Variants in PCDHA7 observed in about 807,000 individuals in gnomAD.
The protein encoded by PCDHA7 is protocadherin alpha 7, also known as protocadherin alpha-7.
Under a neutral mutation model 57.2 loss-of-function variants are expected in PCDHA7, and 37 were observed. The ratio of observed to expected loss-of-function variants is 0.65; its 90% CI spans 0.50 to 0.85. PCDHA7 has a LOEUF of 0.85. Ranked by LOEUF, PCDHA7 falls within the 40% of genes least tolerant of loss-of-function variation. PCDHA7 has a pLI of 0.00. For missense variants in PCDHA7, 1,188 were observed against 1,241.8 expected (o/e 0.96, Z 0.65); for synonymous variants, 553 against 558.8 (o/e 0.99, Z 0.15).
intron 1 of PCDHA7, among the ~76,000 whole-genome samples, chr5:140,908,289 G>A (rs1031565997): frequency 2.6e-5 from 4 of 152,184 alleles, no homozygotes; most frequent in Non-Finnish European, 4.4e-5. Flanking sequence ...GTTGCAAGCT[G>A]GGGAAGAGAA....
At chr5:140,877,990 T>C in intron 1 of PCDHA7, 1 of 1,127,766 alleles carries the variant, frequency 8.9e-7, no homozygotes. Flanking sequence ...TTTTGAACTT[T>C]TATGTATTTG....
chr5:140,884,798 A>C, intron 1 of PCDHA7: 3 of 1,275,332 alleles, frequency 2.4e-6, no homozygotes, highest in Non-Finnish European at 3.2e-6. Flanking sequence ...TATCGAATTT[A>C]ACAACTCTGC....
chr5:140,851,837 A>G (rs2042175202), intron 1 of PCDHA7: 1 of 970,268 alleles, frequency 1.0e-6, no homozygotes, highest in Non-Finnish European at 1.2e-6. Context: ...TTTTAAAAAT[A>G]TCTTTTTCTC....
chr5:140,840,876 C>T (rs975693144), intron 1 of PCDHA7, among the ~76,000 whole-genome samples: 2 of 151,942 alleles, frequency 1.3e-5, no homozygotes, highest in Admixed American at 1.3e-4. Context: ...GGACAGTTTA[C>T]ATTTCTGATA....
intron 1 of PCDHA7, chr5:140,968,987 T>C: frequency 6.2e-7 from 1 of 1,614,224 alleles, no homozygotes; most frequent in Non-Finnish European, 8.5e-7. Context: ...TGGCACTGCA[T>C]GCTGTGGAGG....
chr5:140,872,593 A>T (rs1214441484), intron 1 of PCDHA7, among the ~76,000 whole-genome samples: 1 of 152,160 alleles, frequency 6.6e-6, no homozygotes, highest in African/African-American at 2.4e-5. Flanking sequence ...TGAGACCCCC[A>T]TCTGAAAAAA....
intron 1 of PCDHA7, chr5:140,875,742 C>T (rs782079077): frequency 3.1e-6 from 5 of 1,614,218 alleles, no homozygotes; most frequent in South Asian, 1.1e-5. Context: ...ATTCTCGGAT[C>T]GACCGCGAGA....
At chr5:140,985,579 C>T (rs2097158687) in intron 3 of PCDHA7, among the ~76,000 whole-genome samples, 1 of 152,084 alleles carries the variant, frequency 6.6e-6, no homozygotes, top group African/African-American at 2.4e-5. Context: ...GTGCCTAAGC[C>T]TCCTTATACT....
At position 140,848,822 on chromosome 5, in the gene PCDHA7, CG is replaced by C. The variant is rs2150421614; in HGVS notation, c.2355+12085del. ...AGTGCAGCATCCACCTGGAGGTGAT[CG>C]TAGACAGGCCGCTGCAGGTTTTCCA... is the stretch of plus-strand genomic sequence containing the variant. On this transcript the variant is annotated intron_variant, in intron 1 of 3. Coordinates refer to ENST00000525929, the MANE Select transcript of PCDHA7 (RefSeq NM_018910.3). 4.4e-6 allele frequency: 7 copies of C among 1,590,462 alleles called. 1 individual carries two copies. Among genetic ancestry groups the C allele is most frequent in the Admixed American group, 3.4e-5 (2 of 58,802 alleles).
rs2150358815 is a variant in PCDHA7 at position 140,843,384 on chromosome 5, G to A, written c.2355+6646G>A. The A allele has an allele frequency of 2.5e-6, 4 of 1,596,128 alleles. No individual in the cohort carries two copies. The Admixed American group carries it at 6.7e-5, about 27-fold the overall frequency. On this transcript the variant is annotated intron_variant, in intron 1 of 3. Coordinates refer to ENST00000525929, the MANE Select transcript of PCDHA7 (RefSeq NM_018910.3). ...TCGAGGCAGTCGGCTGGCGTTTTGG[G>A]TCCGGAAGCGGCGCTGGTGGATGTC...
chr5:141,000,387 C>CTA (rs2097910380), intron 3 of PCDHA7, among the ~76,000 whole-genome samples: 5 of 66,898 alleles, frequency 7.5e-5, no homozygotes, highest in Non-Finnish European at 1.1e-4. Context: ...CTCTCTCTCT[C>CTA]TCTCTCTCTA....
At chr5:140,927,713 A>G in intron 1 of PCDHA7, 1 of 1,614,180 alleles carries the variant, frequency 6.2e-7, no homozygotes, top group Non-Finnish European at 8.5e-7. Flanking sequence ...TCCCTAAGCA[A>G]CAGCACGCAA....
intron 1 of PCDHA7, chr5:140,876,243 C>A: frequency 6.2e-7 from 1 of 1,613,948 alleles, no homozygotes; most frequent in Non-Finnish European, 8.5e-7. Context: ...ATGTCCAAAA[C>A]GACACAAGAG....
chr5:140,961,465 T>C (rs2095614873), intron 1 of PCDHA7, among the ~76,000 whole-genome samples: 2 of 152,218 alleles, frequency 1.3e-5, no homozygotes, highest in Admixed American at 1.3e-4. Context: ...GCTGCCTTTC[T>C]TTTTTTGTCT....
At chr5:140,913,414 C>T (rs1451385869) in intron 1 of PCDHA7, among the ~76,000 whole-genome samples, 3 of 152,102 alleles carry the variant, frequency 2.0e-5, no homozygotes, top group African/African-American at 7.2e-5. Context: ...TGAATTCCTG[C>T]AGTATCAGTT....
In PCDHA7 at chr5:140,835,453, TC is replaced by T. The variant is rs1554134997; in HGVS notation, c.1073del (p.Pro358LeufsTer14). 1.9e-6 allele frequency: 3 copies of T among 1,613,816 alleles called. No homozygotes were observed. The Admixed American group carries it at 5.0e-5, about 27-fold the overall frequency. ...CAGTTGACTCTCACTTCCCTGTCTC[TC>T]CCTATTCCAGAGGACGCCCAACCAG... ...APQLTLTSLSLPIPEDAQPGT... is the reference protein window; with the variant it reads ...APQLTLTSLSXPIPEDAQPGT... On this transcript the variant is annotated frameshift_variant, in exon 1 of 4. Transcript: ENST00000525929. LOFTEE classifies it high-confidence loss of function.
At chr5:140,919,406 T>C (rs1325443914) in intron 1 of PCDHA7, among the ~76,000 whole-genome samples, 1 of 152,254 alleles carries the variant, frequency 6.6e-6, no homozygotes, top group East Asian at 1.9e-4. Flanking sequence ...CTAAAAACTC[T>C]AGACTGACAA....
chr5:140,911,455 C>G (rs1266220741), intron 1 of PCDHA7, among the ~76,000 whole-genome samples: 3 of 152,132 alleles, frequency 2.0e-5, no homozygotes, highest in African/African-American at 7.2e-5. Flanking sequence ...AGCTCTTTCT[C>G]TACAGGAGAT....
intron 1 of PCDHA7, chr5:140,930,248 C>T (rs2086692121): frequency 1.3e-5 from 2 of 152,178 alleles, no homozygotes; most frequent in South Asian, 4.1e-4. Flanking sequence ...GTCCATTCAA[C>T]TTGGATTTAA....
Sources: allele counts gnomAD v4.1 joint callset (sites outside exome capture counted in the v4.1 genomes callset), GRCh38; gene constraint gnomAD v4.1.1; transcripts MANE v1.5; gene names NCBI Gene and HGNC (gene_info 2026-07-23, HGNC 2026-07-21).